Variants in THSD7B observed in about 807,000 individuals in gnomAD.
THSD7B encodes the protein thrombospondin type-1 domain-containing protein 7B.
In THSD7B, 138 loss-of-function variants were observed where a neutral mutation model predicts 213.6. The observed-to-expected ratio is 0.65, with a 90% CI of 0.56 to 0.74. The LOEUF (loss-of-function observed/expected upper bound fraction) is 0.74. Ranked by LOEUF, THSD7B falls within the 30% of genes least tolerant of loss-of-function variation. The pLI, the probability that THSD7B is intolerant of heterozygous loss-of-function variation, is 0.00. For missense variants in THSD7B, 1,931 were observed against 1,991.5 expected (o/e 0.97, Z 0.58); for synonymous variants, 742 against 687.0 (o/e 1.08, Z -1.25).
intron 1 of THSD7B, among the ~76,000 whole-genome samples, chr2:136,806,419 A>T (rs1016826470): frequency 4.6e-5 from 7 of 152,232 alleles, no homozygotes; most frequent in Non-Finnish European, 7.3e-5. Flanking sequence ...TAAGTATGAT[A>T]ATCCATGAAA....
chr2:136,995,394 A>T (rs1181389797), intron 2 of THSD7B, among the ~76,000 whole-genome samples: 1 of 152,100 alleles, frequency 6.6e-6, no homozygotes, highest in Non-Finnish European at 1.5e-5. Context: ...CAGCAACAAC[A>T]TTCCTCACCT....
At chr2:136,840,619 C>G (rs1320075528) in intron 1 of THSD7B, among the ~76,000 whole-genome samples, 11 of 152,176 alleles carry the variant, frequency 7.2e-5, no homozygotes, top group Non-Finnish European at 1.3e-4. Flanking sequence ...TCAAAGTAAA[C>G]AGGTCCAGAT....
At chr2:137,159,293 G>A (rs958998587) in intron 5 of THSD7B, among the ~76,000 whole-genome samples, 9 of 151,976 alleles carry the variant, frequency 5.9e-5, no homozygotes, top group Admixed American at 2.6e-4. Context: ...AAAATTAGCC[G>A]ATCATGGTGA....
At chr2:137,266,109 T>C (rs956014597) in intron 10 of THSD7B, among the ~76,000 whole-genome samples, 1 of 152,226 alleles carries the variant, frequency 6.6e-6, no homozygotes, top group Non-Finnish European at 1.5e-5. Flanking sequence ...AATTTAACTA[T>C]TGAAACTTCT....
chr2:137,521,405 G>C (rs927323004), intron 15 of THSD7B, among the ~76,000 whole-genome samples: 6 of 152,082 alleles, frequency 3.9e-5, no homozygotes, highest in Non-Finnish European at 7.4e-5. Context: ...TGGGTAGAGA[G>C]ATCTGTAAAT....
rs1045705741 is a variant in THSD7B at position 137,083,271 on chromosome 2, C to G, written c.951-11602C>G. On this transcript the variant is annotated intron_variant, in intron 3 of 27. Coordinates refer to ENST00000409968, the MANE Select transcript of THSD7B (RefSeq NM_001316349.2). ...CCTAAGTTACCTCAGCTTAATCTGG[C>G]TAAGAAAGGAGTTATGAAGAAAAGG... Among the ~76,000 whole-genome samples the G allele has an allele frequency of 4.6e-5, 7 of 152,052 alleles. No individual in the cohort carries two copies. In the East Asian group the frequency reaches 1.3e-3, roughly 29 times the overall value.
chr2:137,051,294 C>T (rs540717274), intron 2 of THSD7B, among the ~76,000 whole-genome samples: 4 of 152,260 alleles, frequency 2.6e-5, no homozygotes, highest in East Asian at 1.9e-4. Context: ...ATACACTACT[C>T]GTCAAGTAAC....
At chr2:137,201,040 A>G (rs973416174) in intron 7 of THSD7B, among the ~76,000 whole-genome samples, 35 of 152,160 alleles carry the variant, frequency 2.3e-4, no homozygotes, top group African/African-American at 7.7e-4. Flanking sequence ...GATGTAGGCT[A>G]TTTTCAAACA....
intron 12 of THSD7B, among the ~76,000 whole-genome samples, chr2:137,404,527 A>AAT (rs1246883985): frequency 7.3e-6 from 1 of 136,928 alleles, no homozygotes; most frequent in Admixed American, 7.8e-5. Context: ...ATACACACAC[A>AAT]ATATATATAT....
chr2:137,378,759 G>T (rs1181558360), intron 12 of THSD7B, among the ~76,000 whole-genome samples: 1 of 152,080 alleles, frequency 6.6e-6, no homozygotes. Flanking sequence ...CACTCCCTAA[G>T]CCAGAGCTGG....
chr2:136,933,312 C>T (rs1684665903), intron 2 of THSD7B, among the ~76,000 whole-genome samples: 1 of 152,248 alleles, frequency 6.6e-6, no homozygotes. Flanking sequence ...TGGTGGCTCA[C>T]ACCTGTAATC....
chr2:137,388,720 C>T (rs1685949475), intron 12 of THSD7B, among the ~76,000 whole-genome samples: 1 of 152,056 alleles, frequency 6.6e-6, no homozygotes. Context: ...CTGCATACCT[C>T]CATAAGATCA....
At chr2:137,397,540 A>C (rs1231169752) in intron 12 of THSD7B, among the ~76,000 whole-genome samples, 1 of 151,554 alleles carries the variant, frequency 6.6e-6, no homozygotes, top group Non-Finnish European at 1.5e-5. Context: ...ATCCGCTGTT[A>C]GTCTGATGGG....
At chr2:137,504,291 T>G (rs982001603) in intron 15 of THSD7B, among the ~76,000 whole-genome samples, 3 of 152,198 alleles carry the variant, frequency 2.0e-5, no homozygotes, top group African/African-American at 7.2e-5. Context: ...GTATATAGTT[T>G]ATGTATAGAA....
At chr2:137,206,734 C>T (rs969371006) in intron 7 of THSD7B, among the ~76,000 whole-genome samples, 1 of 151,888 alleles carries the variant, frequency 6.6e-6, no homozygotes, top group Non-Finnish European at 1.5e-5. Context: ...TGAGTAAGGG[C>T]GAGGATGCAT....
intron 15 of THSD7B, among the ~76,000 whole-genome samples, chr2:137,504,452 CTA>C (rs745795893): frequency 5.3e-5 from 8 of 152,188 alleles, no homozygotes; most frequent in Non-Finnish European, 1.2e-4. Context: ...CTGCTCCCAT[CTA>C]ATCCATGTAG....
rs892337703 is a variant in THSD7B, at chr2:136,882,451, T to A, written c.139+134T>A. On this transcript the variant is annotated intron_variant, in intron 2 of 27. Transcript: ENST00000409968. ...AAAATAGACTCTTTTTTTTAAATTC[T>A]GCAGCTCATATTTGATTTTTTACTC... 34 of 1,009,026 alleles carry A rather than the reference T, an allele frequency of 3.4e-5. No individual in the cohort carries two copies. In the African/African-American group the frequency reaches 5.6e-4, roughly 17 times the overall value. The allele number at this position is 1,009,026 out of a possible 1,614,324, so 62.5% of individuals were successfully genotyped here. A position where few individuals can be genotyped will look rare whatever the true frequency, so the allele number is the denominator to read the frequency against.
intron 2 of THSD7B, among the ~76,000 whole-genome samples, chr2:137,036,680 G>A (rs1250624283): frequency 6.6e-6 from 1 of 152,138 alleles, no homozygotes; most frequent in South Asian, 2.1e-4. Flanking sequence ...TTTCCCAGAG[G>A]GACTTAGCCA....
intron 7 of THSD7B, among the ~76,000 whole-genome samples, chr2:137,192,245 A>G (rs1680672744): frequency 1.3e-5 from 2 of 152,202 alleles, no homozygotes; most frequent in Non-Finnish European, 2.9e-5. Flanking sequence ...TCAACACAAC[A>G]ACACATATAT....
Sources: allele counts gnomAD v4.1 joint callset (sites outside exome capture counted in the v4.1 genomes callset), GRCh38; gene constraint gnomAD v4.1.1; transcripts MANE v1.5; gene names NCBI Gene and HGNC (gene_info 2026-07-23, HGNC 2026-07-21).